The following STX2 variants were observed in gnomAD, a reference collection of about 807,000 sequenced individuals.
The protein encoded by STX2 is syntaxin 2.
Under a neutral mutation model 40.6 loss-of-function variants are expected in STX2, and 27 were observed. That is an observed-to-expected ratio of 0.66 (90% CI 0.49 to 0.92). The LOEUF (loss-of-function observed/expected upper bound fraction) is 0.92, where lower values mean the gene tolerates loss of function less well. Among genes scored for constraint, STX2 ranks in the 40% least tolerant of loss-of-function variants. The pLI is 0.00. For synonymous variants in STX2, 123 were observed against 119.1 expected, an observed-to-expected ratio of 1.03 and a Z score of -0.22; for missense variants, 328 against 366.1, an observed-to-expected ratio of 0.90 and a Z score of 0.85.
In STX2 at chr12:130,792,152, C is replaced by T. The variant is rs570752403; in HGVS notation, c.*46-175G>A. 4.2e-4 allele frequency among the ~76,000 whole-genome samples: 64 copies of T among 152,330 alleles called. 1 individual carries two copies. The highest frequency in any genetic ancestry group is 1.3e-3 in the African/African-American group (56 of 41,576). ...CTTGGCTCACAGCAACCTCTGCCTT[C>T]CGGGTTCAAGTGATTCTCCTGCCTC... On this transcript the variant is annotated intron_variant, in intron 10 of 10. Coordinates refer to ENST00000392373, the MANE Select transcript of STX2 (RefSeq NM_194356.4).
Position 130,801,279 on chromosome 12 carries a change from A to C in STX2, c.549T>G (p.Asp183Glu). 1.2e-6 allele frequency: 2 copies of C among 1,609,952 alleles called. No homozygotes were observed. Among genetic ancestry groups the C allele is most frequent in the Non-Finnish European group, 1.7e-6 (2 of 1,177,508 alleles). ...TGAGAGCTTGTCTAGTAATTTGTGA[A>C]TCTGATATAATCTTGGAAAAACAAA... Reference protein sequence around the residue: ...PSIFTSDIISDSQITRQALNE... With the variant: ...PSIFTSDIISESQITRQALNE... The change falls in exon 8 of 11, where the codon GAT (aspartate) becomes GAG (glutamate). Residue 183 changes from aspartate (D) to glutamate (E), a missense_variant. By Grantham distance (45) the Asp-to-Glu change is conservative (BLOSUM62 2). Transcript: ENST00000392373.
intron 3 of STX2, among the ~76,000 whole-genome samples, chr12:130,821,430 C>T (rs552064609): frequency 3.3e-5 from 5 of 152,152 alleles, no homozygotes; most frequent in South Asian, 2.1e-4. Context: ...AAGCCACTTT[C>T]GTGTATTCTT....
chr12:130,808,676 C>T lies in STX2; in HGVS notation c.309G>A (p.Glu103=), dbSNP rs1271483691. 1 of 1,613,322 alleles carries T rather than the reference C, an allele frequency of 6.2e-7. No homozygotes were observed. The highest frequency in any genetic ancestry group is 1.7e-5 in the Admixed American group (1 of 59,832). ...KAIEQSFDQD[E]SGNRTSVDLR... ...GATCCACTGAAGTCCGGTTCCCACT[C>T]TCATCCTGATCAAAACTTTGTTCAA... Residue 103 remains glutamate, a synonymous_variant, in exon 5 of 11, where the codon GAG becomes GAA. Transcript: ENST00000392373.
In STX2 at chr12:130,796,090, C is replaced by T. The variant is rs1489676400; in HGVS notation, c.817G>A (p.Val273Ile). Reference sequence around the variant, plus strand: ...ATTAGAGCGATTATGGCAACCAGAACCACTGACACAGCAATAATTATCCAC... The same window carrying T: ...ATTAGAGCGATTATGGCAACCAGAATCACTGACACAGCAATAATTATCCAC... Reference protein sequence around the residue: ...KKWIIIAVSVVLVAIIALIIG... With the variant: ...KKWIIIAVSVILVAIIALIIG... Residue 273 changes from valine to isoleucine, a missense_variant, in exon 10 of 11, where the codon GTT becomes ATT. Val to Ile is a conservative substitution (Grantham distance 29). Transcript: ENST00000392373. 1 of 1,614,054 alleles carries T rather than the reference C, an allele frequency of 6.2e-7. No homozygotes were observed. The highest frequency in any genetic ancestry group is 8.5e-7 in the Non-Finnish European group (1 of 1,180,030).
At chr12:130,811,817 G>T (rs1593148595) in intron 4 of STX2, among the ~76,000 whole-genome samples, 1 of 152,148 alleles carries the variant, frequency 6.6e-6, no homozygotes, top group African/African-American at 2.4e-5. Context: ...TGGGATTATA[G>T]GCGTGAGCCA....
intron 9 of STX2, among the ~76,000 whole-genome samples, chr12:130,796,785 C>T (rs1394276416): frequency 2.6e-5 from 4 of 152,290 alleles, no homozygotes; most frequent in East Asian, 1.9e-4. Flanking sequence ...CATGAAGCCC[C>T]GACACACTCA....
chr12:130,797,540 G>A (rs572509831), intron 9 of STX2, among the ~76,000 whole-genome samples: 2 of 152,242 alleles, frequency 1.3e-5, no homozygotes, highest in Admixed American at 6.5e-5. Context: ...GCAGCCCGGG[G>A]GTGCGTCTCA....
intron 1 of STX2, among the ~76,000 whole-genome samples, chr12:130,828,271 T>A (rs1952402578): frequency 6.6e-6 from 1 of 151,838 alleles, no homozygotes. Context: ...CAGGCTGGAG[T>A]GTGGAGTGTG....
At chr12:130,820,802 C>T (rs1952084301) in intron 3 of STX2, among the ~76,000 whole-genome samples, 1 of 152,150 alleles carries the variant, frequency 6.6e-6, no homozygotes, top group South Asian at 2.1e-4. Context: ...CCGCACAGAC[C>T]GGCATTAAAG....
chr12:130,812,348 G>T lies in STX2; in HGVS notation c.280+609C>A, dbSNP rs576269809. Reference sequence around the variant, plus strand: ...GATGCCTGGGATGGGCTTCAGAATAGTCTGGGAGCGGGTGCGGGTGGGAGC... The same window carrying T: ...GATGCCTGGGATGGGCTTCAGAATATTCTGGGAGCGGGTGCGGGTGGGAGC... On this transcript the variant is annotated intron_variant, in intron 4 of 10. Transcript: ENST00000392373. 1.1e-5 allele frequency: 5 copies of T among 452,588 alleles called. No individual in the cohort carries two copies. In the Admixed American group the frequency reaches 1.2e-4, roughly 11 times the overall value. 28.0% of individuals were successfully genotyped at this position (452,588 alleles called of 1,614,324 possible).
chr12:130,802,734 G>A (rs764031438), intron 6 of STX2, among the ~76,000 whole-genome samples: 12 of 151,994 alleles, frequency 7.9e-5, no homozygotes, highest in Non-Finnish European at 1.5e-4. Context: ...GGCCTCAAGC[G>A]ATCCTTCCAC....
chr12:130,795,497 C>A (rs1386976317), intron 10 of STX2, among the ~76,000 whole-genome samples: 1 of 152,166 alleles, frequency 6.6e-6, no homozygotes, highest in Non-Finnish European at 1.5e-5. Context: ...TATGTATAAT[C>A]CCAGCACTTT....
intron 1 of STX2, among the ~76,000 whole-genome samples, chr12:130,836,690 A>C (rs1364484927): frequency 6.6e-6 from 1 of 152,212 alleles, no homozygotes; most frequent in Non-Finnish European, 1.5e-5. Context: ...CACATTAGAT[A>C]ATTTTATGCT....
chr12:130,837,106 CTTT>C (rs71951784), intron 1 of STX2, among the ~76,000 whole-genome samples: 75 of 139,832 alleles, frequency 5.4e-4, no homozygotes, highest in Admixed American at 8.0e-4. Flanking sequence ...TGACATTGAG[CTTT>C]TTTTTTTTTT....
At position 130,801,144 on chromosome 12, in the gene STX2, T is replaced by G. The variant is rs1346130714; in HGVS notation, c.675+9A>C. ...ATCTCTCTTGGAGAATGCAAGAGTC[T>G]GTAACTACCTGAGTCTCCACAAACA... On this transcript the variant is annotated intron_variant, in intron 8 of 10. Transcript: ENST00000392373. The G allele has an allele frequency of 3.7e-6, 6 of 1,607,406 alleles. No homozygotes were observed. The highest frequency in any genetic ancestry group is 5.1e-6 in the Non-Finnish European group (6 of 1,175,468).
chr12:130,823,700 G>A (rs950158624), intron 2 of STX2, among the ~76,000 whole-genome samples: 1 of 152,248 alleles, frequency 6.6e-6, no homozygotes, highest in Non-Finnish European at 1.5e-5. Context: ...GGAACTAGGA[G>A]GAGGTGATAA....
chr12:130,813,950 C>A (rs1951756246), intron 3 of STX2, among the ~76,000 whole-genome samples: 1 of 152,214 alleles, frequency 6.6e-6, no homozygotes, highest in Non-Finnish European at 1.5e-5. Flanking sequence ...AACGTTTCTG[C>A]CGTAGACAAC....
intron 8 of STX2, among the ~76,000 whole-genome samples, chr12:130,800,291 A>G (rs1209481291): frequency 6.6e-6 from 1 of 150,990 alleles, no homozygotes; most frequent in Non-Finnish European, 1.5e-5. Flanking sequence ...ATACATATAT[A>G]TGTGTGTATT....
At chr12:130,835,469 A>G (rs1952727148) in intron 1 of STX2, among the ~76,000 whole-genome samples, 1 of 152,174 alleles carries the variant, frequency 6.6e-6, no homozygotes, top group East Asian at 1.9e-4. Context: ...TATAATAAAT[A>G]GATATATCAT....
Sources: allele counts gnomAD v4.1 joint callset (sites outside exome capture counted in the v4.1 genomes callset), GRCh38; gene constraint gnomAD v4.1.1; transcripts MANE v1.5; gene names NCBI Gene and HGNC (gene_info 2026-07-23, HGNC 2026-07-21).